Variants in FOCAD observed in about 807,000 individuals in gnomAD.
FOCAD encodes the protein focadhesin, also known as KIAA1797.
Under a neutral mutation model 225.6 loss-of-function variants are expected in FOCAD, and 198 were observed. The observed-to-expected ratio is 0.88, with a 90% CI of 0.78 to 0.99. The LOEUF is 0.99. Among genes scored for constraint, FOCAD ranks in the 50% least tolerant of loss-of-function variants. FOCAD has a pLI of 0.00. For synonymous variants in FOCAD, 897 were observed against 755.0 expected, an observed-to-expected ratio of 1.19 and a Z score of -3.08; for missense variants, 2,713 against 2,123.6, an observed-to-expected ratio of 1.28 and a Z score of -5.46.
intron 15 of FOCAD, among the ~76,000 whole-genome samples, chr9:20,844,036 C>T (rs1826816674): frequency 6.6e-6 from 1 of 152,074 alleles, no homozygotes; most frequent in Non-Finnish European, 1.5e-5. Flanking sequence ...ACTCCAGTTC[C>T]TTGAAAAGTT....
At chr9:20,862,854 G>A (rs1828900947) in intron 16 of FOCAD, 142 bp downstream of exon 16, 1 of 792,116 alleles carries the variant, frequency 1.3e-6, no homozygotes, top group Non-Finnish European at 1.8e-6. Context: ...TGGACTCTTA[G>A]GAGTAAGATA....
chr9:20,944,945 G>A (rs148375572), intron 29 of FOCAD, among the ~76,000 whole-genome samples, 171 bp downstream of exon 29: 5 of 152,278 alleles, frequency 3.3e-5, no homozygotes, highest in African/African-American at 1.2e-4. Context: ...ATATTATGTG[G>A]CAGTTTAAAT....
At chr9:20,894,611 C>A (rs1479781332) in intron 21 of FOCAD, among the ~76,000 whole-genome samples, 2 of 152,042 alleles carry the variant, frequency 1.3e-5, no homozygotes, top group Admixed American at 1.3e-4. Context: ...ATATGTGAAG[C>A]ATTTTGTATA....
chr9:20,671,077 ATCT>A (rs1822050673), intron 2 of FOCAD, among the ~76,000 whole-genome samples: 1 of 152,180 alleles, frequency 6.6e-6, no homozygotes, highest in African/African-American at 2.4e-5. Flanking sequence ...TACATTTCTG[ATCT>A]TCTGTAATAA....
intron 22 of FOCAD, among the ~76,000 whole-genome samples, chr9:20,909,795 T>C (rs903160088): frequency 2.0e-5 from 3 of 152,126 alleles, no homozygotes; most frequent in African/African-American, 7.2e-5. Flanking sequence ...ATAGAGTTTA[T>C]GGTATCTTAG....
intron 15 of FOCAD, among the ~76,000 whole-genome samples, chr9:20,848,947 A>G (rs1394699835): frequency 6.6e-6 from 1 of 151,376 alleles, no homozygotes; most frequent in African/African-American, 2.4e-5. Flanking sequence ...ATTATTGGGT[A>G]GATTTGCATT....
At chr9:20,761,601 TA>T (rs1054813606) in intron 6 of FOCAD, among the ~76,000 whole-genome samples, 5 of 152,050 alleles carry the variant, frequency 3.3e-5, no homozygotes, top group Non-Finnish European at 7.4e-5. Context: ...TTTGTATTTT[TA>T]GTAGAGATGA....
intron 1 of FOCAD, among the ~76,000 whole-genome samples, chr9:20,690,900 G>A (rs1822932435): frequency 7.0e-6 from 1 of 143,280 alleles, no homozygotes; most frequent in African/African-American, 2.7e-5. Flanking sequence ...CAGTTGACCT[G>A]TCAGCATTTT....
At chr9:20,880,672 G>T (rs1830594929) in intron 19 of FOCAD, among the ~76,000 whole-genome samples, 1 of 152,064 alleles carries the variant, frequency 6.6e-6, no homozygotes, top group Non-Finnish European at 1.5e-5. Flanking sequence ...GTCAGAAATG[G>T]GTATATAATA....
Position 20,781,914 on chromosome 9 carries a change from A to T in FOCAD, c.1182A>T (p.Arg394Ser). 3.7e-6 allele frequency: 6 copies of T among 1,613,866 alleles called. No homozygotes were observed. Among genetic ancestry groups the T allele is most frequent in the Non-Finnish European group, 5.1e-6 (6 of 1,179,800 alleles). Residue 394 changes from arginine (R) to serine (S), a missense_variant, in exon 10 of 44, where the codon AGA becomes AGT. Transcript: ENST00000338382. ...LLEMIQQECYRDDHQKLSYKL... is the reference protein window; with the variant it reads ...LLEMIQQECYSDDHQKLSYKL... ...AAATGATACAGCAGGAATGTTACAG[A>T]GATGACCACCAAAAGGTAATGAATC...
intron 1 of FOCAD, among the ~76,000 whole-genome samples, chr9:20,707,311 G>T (rs1456846591): frequency 2.0e-5 from 3 of 152,090 alleles, no homozygotes; most frequent in Admixed American, 6.6e-5. Flanking sequence ...GTCTCTCTGA[G>T]AATATAATAA....
chr9:20,739,953 A>T (rs1356594739), intron 4 of FOCAD, among the ~76,000 whole-genome samples: 1 of 152,130 alleles, frequency 6.6e-6, no homozygotes, highest in Non-Finnish European at 1.5e-5. Flanking sequence ...ACTGCTTGAA[A>T]TTATGTGGGC....
chr9:20,821,561 C>T (rs1824323989), intron 14 of FOCAD, among the ~76,000 whole-genome samples: 1 of 151,900 alleles, frequency 6.6e-6, no homozygotes, highest in Non-Finnish European at 1.5e-5. Context: ...TTTAGGAAAA[C>T]ATAAAGAAAT....
intron 11 of FOCAD, among the ~76,000 whole-genome samples, chr9:20,815,121 T>TAG (rs1564024135): frequency 2.8e-5 from 2 of 70,906 alleles, no homozygotes; most frequent in Non-Finnish European, 5.6e-5. Flanking sequence ...TTACTTCTCT[T>TAG]TGTTTTTTTT....
At chr9:20,919,171 C>G (rs1205732365) in intron 24 of FOCAD, among the ~76,000 whole-genome samples, 1 of 152,150 alleles carries the variant, frequency 6.6e-6, no homozygotes, top group Non-Finnish European at 1.5e-5. Context: ...ACACCAATAA[C>G]AGACAAACAG....
intron 15 of FOCAD, among the ~76,000 whole-genome samples, chr9:20,856,973 C>T (rs554353455): frequency 7.8e-6 from 1 of 127,628 alleles, no homozygotes; most frequent in African/African-American, 2.9e-5. Context: ...CAATACCATG[C>T]TGTTTTGGTT....
At position 20,738,602 on chromosome 9, in the gene FOCAD, G is replaced by A. The variant is rs1045400940; in HGVS notation, c.288-1634G>A. Among the ~76,000 whole-genome samples, 3 of 152,164 alleles carry A rather than the reference G, an allele frequency of 2.0e-5. No individual in the cohort carries two copies. The South Asian group carries it at 6.2e-4, about 32-fold the overall frequency. On this transcript the variant is annotated intron_variant, in intron 4 of 43. Coordinates refer to ENST00000338382, the MANE Select transcript of FOCAD (RefSeq NM_001375567.1). ...GATTCATCCATGAGTTATACTGAAT[G>A]GTCCTAAGAGGATCCATATGGAAGA... is the stretch of plus-strand genomic sequence containing the variant.
At chr9:20,841,894 T>G (rs999742738) in intron 15 of FOCAD, among the ~76,000 whole-genome samples, 9 of 151,888 alleles carry the variant, frequency 5.9e-5, no homozygotes, top group Non-Finnish European at 1.0e-4. Flanking sequence ...TTACTACTAT[T>G]GACTTCTATC....
intron 6 of FOCAD, among the ~76,000 whole-genome samples, chr9:20,761,151 A>T (rs972749899): frequency 1.3e-5 from 2 of 151,918 alleles, no homozygotes; most frequent in African/African-American, 4.8e-5. Flanking sequence ...GACTATAGGC[A>T]TGCACCTCTG....
Sources: gnomAD v4.1 joint callset for allele counts (sites outside exome capture counted in the v4.1 genomes callset) on GRCh38, gnomAD v4.1.1 for gene constraint, MANE v1.5 for transcripts, NCBI Gene and HGNC (gene_info 2026-07-23, HGNC 2026-07-21) for gene names.